CLOCK: variants seen among roughly 807,000 people sequenced by gnomAD.
The protein encoded by CLOCK is circadian locomoter output cycles protein kaput.
In CLOCK, 43 loss-of-function variants were observed where a neutral mutation model predicts 118.4. That is an observed-to-expected ratio of 0.36 (90% CI 0.28 to 0.47). The LOEUF is 0.47. Ranked by LOEUF, CLOCK falls within the 20% of genes least tolerant of loss-of-function variation. CLOCK has a pLI of 1.00. For synonymous variants in CLOCK, 326 were observed against 339.2 expected (o/e 0.96, Z 0.43); for missense variants, 846 against 999.9 (o/e 0.85, Z 2.08).
At position 55,513,825 on chromosome 4, in the gene CLOCK, C is replaced by T. The variant is rs544800167; in HGVS notation, c.-289-3760G>A. ...TCAGAGTTTTGAAGTTTTCTTTGTA[C>T]ATATTTTATATATATTTTATTAGAT... On this transcript the variant is annotated intron_variant, in intron 1 of 22. Transcript: ENST00000513440. Among the ~76,000 whole-genome samples the T allele has an allele frequency of 7.2e-5, 11 of 152,008 alleles. No individual in the cohort carries two copies. In the South Asian group the frequency reaches 2.1e-3, roughly 29 times the overall value.
intron 5 of CLOCK, 95 bp from the exon 6 acceptor site, chr4:55,479,058 T>G: frequency 9.7e-7 from 1 of 1,026,860 alleles, no homozygotes; most frequent in Non-Finnish European, 1.4e-6. Context: ...CAGCATGTAC[T>G]TCTATCAACA....
At chr4:55,459,942 C>G (rs1404056936) in intron 9 of CLOCK, among the ~76,000 whole-genome samples, 1 of 152,202 alleles carries the variant, frequency 6.6e-6, no homozygotes, top group Non-Finnish European at 1.5e-5. Context: ...GCGAGAGCCA[C>G]TGCACCTGGC....
intron 2 of CLOCK, among the ~76,000 whole-genome samples, chr4:55,499,175 CT>C (rs1032819311): frequency 9.4e-5 from 2 of 21,244 alleles, no homozygotes; most frequent in African/African-American, 8.7e-4. Context: ...GAGTTGTCAA[CT>C]GGCTTATGTT....
intron 2 of CLOCK, among the ~76,000 whole-genome samples, chr4:55,495,792 C>T (rs1728030140): frequency 6.6e-6 from 1 of 152,090 alleles, no homozygotes; most frequent in Non-Finnish European, 1.5e-5. Context: ...CCAAAAGACC[C>T]TCCGTATCCT....
intron 9 of CLOCK, among the ~76,000 whole-genome samples, chr4:55,461,003 A>G (rs1166133297): frequency 5.3e-5 from 8 of 151,592 alleles, no homozygotes; most frequent in Admixed American, 4.6e-4. Context: ...AGCTCACTGC[A>G]ACCTCTGCCT....
chr4:55,542,549 A>C (rs1731349407), intron 1 of CLOCK, among the ~76,000 whole-genome samples: 1 of 151,800 alleles, frequency 6.6e-6, no homozygotes, highest in South Asian at 2.1e-4. Context: ...AAAAGAATTA[A>C]GGTTTGGTAA....
At position 55,438,545 on chromosome 4, in the gene CLOCK, A is replaced by G. The variant is rs1200267418; in HGVS notation, c.2106-8T>C. 3.7e-6 allele frequency: 6 copies of G among 1,612,878 alleles called. No homozygotes were observed. Among genetic ancestry groups the G allele is most frequent in the Non-Finnish European group, 5.1e-6 (6 of 1,179,976 alleles). On this transcript the variant is annotated splice_region_variant and splice_polypyrimidine_tract_variant and intron_variant, in intron 21 of 22. Transcript: ENST00000513440. Reference sequence around the variant, plus strand: ...TGTTGACCTTGAGAAAATCTGTTAGAAGAAAGAAGGAAAAAAATTGGAGTC... The same window carrying G: ...TGTTGACCTTGAGAAAATCTGTTAGGAGAAAGAAGGAAAAAAATTGGAGTC...
At chr4:55,506,573 ATTTT>A (rs1055459470) in intron 2 of CLOCK, among the ~76,000 whole-genome samples, 7 of 151,504 alleles carry the variant, frequency 4.6e-5, no homozygotes, top group African/African-American at 1.7e-4. Flanking sequence ...TTTATATTTT[ATTTT>A]TTTTAATTTT....
At position 55,535,730 on chromosome 4, in the gene CLOCK, T is replaced by C. The variant is rs17085885; in HGVS notation, c.-290+11052A>G. ...GAAAGAAGGTCTAAAATTCCAGTGA[T>C]GGGAGAATCTTTTTTTTTTTTTTTT... On this transcript the variant is annotated intron_variant, in intron 1 of 22. Coordinates refer to ENST00000513440, the MANE Select transcript of CLOCK (RefSeq NM_004898.4). Among the ~76,000 whole-genome samples the C allele has an allele frequency of 9.4e-3, 1,365 of 145,422 alleles. 22 individuals are homozygous for C. The highest frequency in any genetic ancestry group is 0.034 in the African/African-American group (1,296 of 38,462).
intron 20 of CLOCK, among the ~76,000 whole-genome samples, chr4:55,443,071 G>C (rs1419791163): frequency 6.6e-6 from 1 of 152,132 alleles, no homozygotes; most frequent in Non-Finnish European, 1.5e-5. Context: ...TATGGGAACA[G>C]GCTTCCTGGT....
chr4:55,497,154 G>A (rs1291742430), intron 2 of CLOCK, among the ~76,000 whole-genome samples: 1 of 152,140 alleles, frequency 6.6e-6, no homozygotes, highest in Non-Finnish European at 1.5e-5. Context: ...GGTGTTGGCA[G>A]GGCTGAATTC....
At chr4:55,516,516 T>C (rs1389522864) in intron 1 of CLOCK, among the ~76,000 whole-genome samples, 2 of 144,388 alleles carry the variant, frequency 1.4e-5, no homozygotes, top group South Asian at 2.2e-4. Flanking sequence ...AATATAGCTA[T>C]TCATGCTTTC....
At chr4:55,505,509 C>CA (rs1728743794) in intron 2 of CLOCK, among the ~76,000 whole-genome samples, 1 of 151,646 alleles carries the variant, frequency 6.6e-6, no homozygotes, top group Non-Finnish European at 1.5e-5. Context: ...ACTAAAAATA[C>CA]AAAAATTAGC....
At chr4:55,538,876 AC>A (rs1731073715) in intron 1 of CLOCK, among the ~76,000 whole-genome samples, 1 of 152,224 alleles carries the variant, frequency 6.6e-6, no homozygotes, top group Non-Finnish European at 1.5e-5. Flanking sequence ...ACAGAAAGCA[AC>A]CAAACATTCT....
chr4:55,440,032 A>AT (rs1723226893), intron 21 of CLOCK, among the ~76,000 whole-genome samples: 2 of 152,152 alleles, frequency 1.3e-5, no homozygotes, highest in Admixed American at 6.5e-5. Context: ...TTTTTAATCT[A>AT]TAAAAAAAAA....
At chr4:55,529,422 A>T (rs1730399795) in intron 1 of CLOCK, among the ~76,000 whole-genome samples, 1 of 152,156 alleles carries the variant, frequency 6.6e-6, no homozygotes, top group Non-Finnish European at 1.5e-5. Flanking sequence ...AGCCTCCCAA[A>T]GTACTGTTAT....
intron 1 of CLOCK, among the ~76,000 whole-genome samples, chr4:55,524,347 G>A (rs1193889951): frequency 6.6e-6 from 1 of 151,688 alleles, no homozygotes; most frequent in South Asian, 2.1e-4. Context: ...TGCAGTGAGC[G>A]GAGATCACAC....
At chr4:55,504,895 C>T (rs7655037) in intron 2 of CLOCK, among the ~76,000 whole-genome samples, 2,055 of 152,128 alleles carry the variant, frequency 0.014, 44 homozygotes, top group African/African-American at 0.047. Flanking sequence ...AGCAAAGAAT[C>T]GCAGAACAGG....
intron 5 of CLOCK, 102 bp downstream of exon 5, chr4:55,479,538 C>T (rs968020127): frequency 1.0e-6 from 1 of 984,806 alleles, no homozygotes; most frequent in African/African-American, 1.6e-5. Context: ...ATCTAAACTC[C>T]TAAAGCACAT....
Sources: gnomAD v4.1 joint callset for allele counts (sites outside exome capture counted in the v4.1 genomes callset) on GRCh38, gnomAD v4.1.1 for gene constraint, MANE v1.5 for transcripts, NCBI Gene and HGNC (gene_info 2026-07-23, HGNC 2026-07-21) for gene names.